The following CCND2 variants were observed in gnomAD, a reference collection of about 807,000 sequenced individuals.
The protein encoded by CCND2 is G1/S-specific cyclin-D2.
In CCND2, 6 loss-of-function variants were observed where a neutral mutation model predicts 30.2. That is an observed-to-expected ratio of 0.20 (90% CI 0.11 to 0.39). The LOEUF (loss-of-function observed/expected upper bound fraction) is 0.39, where lower values mean the gene tolerates loss of function less well. Among genes scored for constraint, CCND2 ranks in the 10% least tolerant of loss-of-function variants. The pLI is 1.00. For missense variants in CCND2, 235 were observed against 373.4 expected (o/e 0.63, Z 3.06); for synonymous variants, 150 against 153.1 (o/e 0.98, Z 0.15).
chr12:4,275,977 C>G (rs761009594), intron 1 of CCND2, 28 bp from the exon 2 acceptor site: 15 of 1,393,414 alleles, frequency 1.1e-5, no homozygotes, highest in African/African-American at 1.4e-5. Context: ...CACCCCCGCC[C>G]CCCAACCCTT....
intron 4 of CCND2, among the ~76,000 whole-genome samples, chr12:4,294,299 G>T (rs1864137333): frequency 1.3e-5 from 2 of 152,036 alleles, no homozygotes; most frequent in Admixed American, 1.3e-4. Context: ...AGGGGGCAAG[G>T]GAGGGGGCCT....
Position 4,299,751 on chromosome 12 carries a change from C to A in CCND2, c.721-109C>A. On this transcript the variant is annotated intron_variant, in intron 4 of 4. Coordinates refer to ENST00000261254, the MANE Select transcript of CCND2 (RefSeq NM_001759.4). This position sits in a 1 kb window ranked among gnomAD's most constrained non-coding sequence, Gnocchi z 5.2. ...CTCCTTTACTTCACATTTATTTCTA[C>A]TGGAAACTAGCACAGACTTATGCAA... The A allele has an allele frequency of 1.8e-6, 2 of 1,087,500 alleles. No homozygotes were observed. The highest frequency in any genetic ancestry group is 1.7e-5 in the South Asian group (1 of 57,468). The allele number at this position is 1,087,500 out of a possible 1,614,324, so 67.4% of individuals were successfully genotyped here. A position where few individuals can be genotyped will look rare whatever the true frequency, so the allele number is the denominator to read the frequency against.
chr12:4,289,156 T>G, intron 4 of CCND2, 166 bp downstream of exon 4: 2 of 452,906 alleles, frequency 4.4e-6, no homozygotes, highest in East Asian at 9.3e-5. Flanking sequence ...CCTCTTAAGG[T>G]TCTGAAAAGC....
intron 3 of CCND2, among the ~76,000 whole-genome samples, chr12:4,281,050 A>G (rs1441044329): frequency 6.6e-6 from 1 of 152,224 alleles, no homozygotes; most frequent in Non-Finnish European, 1.5e-5. Context: ...CCAGAGGGAT[A>G]CAGAGGCAGT....
Position 4,282,355 on chromosome 12 carries a change from G to A in CCND2, c.571+3436G>A, listed in dbSNP as rs1010914850. Among the ~76,000 whole-genome samples, 1 of 152,090 alleles carries A rather than the reference G, an allele frequency of 6.6e-6. No homozygotes were observed. The highest frequency in any genetic ancestry group is 2.4e-5 in the African/African-American group (1 of 41,408). ...GGTAGCCACCCCCAGGCCTCCCCAC[G>A]CCAAGGCCAGAGCCCCATTGTTGAC... is the stretch of plus-strand genomic sequence containing the variant. On this transcript the variant is annotated intron_variant, in intron 3 of 4. Transcript: ENST00000261254. This position sits in a 1 kb window ranked among gnomAD's most constrained non-coding sequence, Gnocchi z 4.3.
In CCND2 at chr12:4,287,942, T is replaced by A. The variant is rs1412502960; in HGVS notation, c.572-900T>A. ...TGGACGGGGTTCAAGCCCCTCTGAT[T>A]TATTATCCTCATTCTGCACTTCCCT... On this transcript the variant is annotated intron_variant, in intron 3 of 4. Coordinates refer to ENST00000261254, the MANE Select transcript of CCND2 (RefSeq NM_001759.4). This position sits in a 1 kb window ranked among gnomAD's most constrained non-coding sequence, Gnocchi z 4.0. 2.0e-5 allele frequency among the ~76,000 whole-genome samples: 3 copies of A among 152,204 alleles called. No homozygotes were observed. Among genetic ancestry groups the A allele is most frequent in the African/African-American group, 7.2e-5 (3 of 41,452 alleles).
At position 4,276,905 on chromosome 12, in the gene CCND2, G is replaced by T. The variant is rs575261539; in HGVS notation, c.411+685G>T. On this transcript the variant is annotated intron_variant, in intron 2 of 4. Transcript: ENST00000261254. This position sits in a 1 kb window ranked among gnomAD's most constrained non-coding sequence, Gnocchi z 4.8. ...TTCCCTGCAGCTTGACATATAAGAC[G>T]ACCATATTGCAGCTGTACCGCATGG... 6.6e-6 allele frequency among the ~76,000 whole-genome samples: 1 copy of T among 152,130 alleles called. No homozygotes were observed. Among genetic ancestry groups the T allele is most frequent in the African/African-American group, 2.4e-5 (1 of 41,402 alleles).
chr12:4,296,123 C>T lies in CCND2; in HGVS notation c.721-3737C>T, dbSNP rs150565002. The stretch of plus-strand genomic sequence containing the variant: ...CACTGGGAACTCCAAAGGGAAGACG[C>T]GCATGGCCTGAAACCGAGTTCTTTC... On this transcript the variant is annotated intron_variant, in intron 4 of 4. Coordinates refer to ENST00000261254, the MANE Select transcript of CCND2 (RefSeq NM_001759.4). Among the ~76,000 whole-genome samples, 50 of 152,350 alleles carry T rather than the reference C, an allele frequency of 3.3e-4. No individual in the cohort carries two copies. In the East Asian group the frequency reaches 6.9e-3, roughly 21 times the overall value.
At position 4,300,747 on chromosome 12, in the gene CCND2, C is replaced by T. The variant is rs1864237163; in HGVS notation, c.*738C>T. ...CAAATGCAGTTCATTGCAGACACCA[C>T]CATATTGCTATCTAATGGGGAAATG... On this transcript the variant is annotated 3_prime_UTR_variant, in exon 5 of 5. Coordinates refer to ENST00000261254, the MANE Select transcript of CCND2 (RefSeq NM_001759.4). 1 of 233,748 alleles carries T rather than the reference C, an allele frequency of 4.3e-6. No individual in the cohort carries two copies. Among genetic ancestry groups the T allele is most frequent in the African/African-American group, 2.2e-5 (1 of 45,480 alleles). The allele number at this position is 233,748 out of a possible 1,614,324, so 14.5% of individuals were successfully genotyped here. A position where few individuals can be genotyped will look rare whatever the true frequency, so the allele number is the denominator to read the frequency against.
At position 4,302,472 on chromosome 12, in the gene CCND2, C is replaced by T. The variant is rs1864263227; in HGVS notation, c.*2463C>T. On this transcript the variant is annotated 3_prime_UTR_variant, in exon 5 of 5. Transcript: ENST00000261254. Reference sequence around the variant, plus strand: ...TGAAGTTTTTCCCCTCCGTCTTTCCCCTCCCCTGGCATGGACACCTTGTGT... The same window carrying T: ...TGAAGTTTTTCCCCTCCGTCTTTCCTCTCCCCTGGCATGGACACCTTGTGT... 8.6e-6 allele frequency: 2 copies of T among 232,956 alleles called. No homozygotes were observed. 14.4% of individuals were successfully genotyped at this position (232,956 alleles called of 1,614,324 possible).
rs915706106 is a variant in CCND2 at position 4,301,511 on chromosome 12, A to G, written c.*1502A>G. On this transcript the variant is annotated 3_prime_UTR_variant, in exon 5 of 5. Transcript: ENST00000261254. ...TTTGCACAATTGTAATTGACAGGTA[A>G]TGAAGCTATTTGTTAAAATATTTGC... The G allele has an allele frequency of 8.6e-6, 2 of 232,564 alleles. No homozygotes were observed. The highest frequency in any genetic ancestry group is 1.7e-5 in the Non-Finnish European group (2 of 117,716). 14.4% of individuals were successfully genotyped at this position (232,564 alleles called of 1,614,324 possible).
chr12:4,297,431 C>T (rs1236585006), intron 4 of CCND2, among the ~76,000 whole-genome samples: 3 of 151,868 alleles, frequency 2.0e-5, no homozygotes, highest in Middle Eastern at 3.4e-3. Context: ...ATCAGCTGGG[C>T]GTGGTGGCAC....
rs1423117437 is a variant in CCND2, at chr12:4,287,583, A to C, written c.572-1259A>C. Among the ~76,000 whole-genome samples, 1 of 152,202 alleles carries C rather than the reference A, an allele frequency of 6.6e-6. No individual in the cohort carries two copies. Among genetic ancestry groups the C allele is most frequent in the Non-Finnish European group, 1.5e-5 (1 of 68,036 alleles). On this transcript the variant is annotated intron_variant, in intron 3 of 4. Transcript: ENST00000261254. The surrounding 1 kb of genome is among the most constrained non-coding windows in gnomAD (Gnocchi z 4.0). The stretch of plus-strand genomic sequence containing the variant: ...GCACTCCAGGACCGTCACTAGCGTG[A>C]TGGCTGCAACTATACCCACCCTAAT...
chr12:4,301,684 GT>G lies in CCND2; in HGVS notation c.*1690del, dbSNP rs34569142. On this transcript the variant is annotated 3_prime_UTR_variant, in exon 5 of 5. Transcript: ENST00000261254. The stretch of plus-strand genomic sequence containing the variant: ...TTTTAATTTTGTTTTGTTCAGTTTG[GT>G]TTTTTTTTTTTTTTGCGCTGCTAAG... The G allele has an allele frequency of 0.28, 52,383 of 184,438 alleles. 5,088 individuals carry two copies. The highest frequency in any genetic ancestry group is 0.38 in the African/African-American group (14,722 of 38,812). 11.4% of individuals were successfully genotyped at this position (184,438 alleles called of 1,614,324 possible).
At chr12:4,283,280 C>T (rs1306056928) in intron 3 of CCND2, among the ~76,000 whole-genome samples, 1 of 152,220 alleles carries the variant, frequency 6.6e-6, no homozygotes, top group Non-Finnish European at 1.5e-5. Context: ...TTTGTGCTTG[C>T]TGGTGCCGGG....
At chr12:4,278,733 C>T (rs760963619) in intron 2 of CCND2, 27 bp from the exon 3 acceptor site, 10 of 1,611,966 alleles carry the variant, frequency 6.2e-6, no homozygotes, top group Middle Eastern at 1.7e-4. Context: ...TTAGATTCTC[C>T]TCTTCTCTTC....
chr12:4,297,587 A>C (rs796126749), intron 4 of CCND2, among the ~76,000 whole-genome samples: 94 of 142,462 alleles, frequency 6.6e-4, no homozygotes, highest in African/African-American at 1.8e-3. Flanking sequence ...AAAAAAAAAA[A>C]AAAAAAAAAA....
intron 3 of CCND2, among the ~76,000 whole-genome samples, chr12:4,284,107 C>T (rs969345889): frequency 4.6e-5 from 7 of 152,246 alleles, no homozygotes; most frequent in Admixed American, 1.3e-4. Context: ...CATCTCCAGT[C>T]GGAACTCCCC....
At chr12:4,288,738 GC>G (rs1864057133) in intron 3 of CCND2, 103 bp from the exon 4 acceptor site, 1 of 1,129,822 alleles carries the variant, frequency 8.9e-7, no homozygotes, top group African/African-American at 1.6e-5. Flanking sequence ...GGTCACTCGC[GC>G]CGCTGACCTG....
Sources: allele counts gnomAD v4.1 joint callset (sites outside exome capture counted in the v4.1 genomes callset), GRCh38; gene constraint gnomAD v4.1.1; non-coding constraint Gnocchi (gnomAD v3.1); transcripts MANE v1.5; gene names NCBI Gene and HGNC (gene_info 2026-07-23, HGNC 2026-07-21).